SLC35F4: variants seen among roughly 807,000 people sequenced by gnomAD.
SLC35F4 encodes the protein chromosome 14 open reading frame 36.
SLC35F4 carries 24 observed loss-of-function variants against 44.2 expected under a neutral mutation model. That is an observed-to-expected ratio of 0.54 (90% CI 0.39 to 0.76). The LOEUF (loss-of-function observed/expected upper bound fraction) is 0.76. SLC35F4 is among the 30% of genes least tolerant of loss of function. The pLI, the probability that SLC35F4 is intolerant of heterozygous loss-of-function variation, is 0.00. For missense variants in SLC35F4, 562 were observed against 586.1 expected (o/e 0.96, Z 0.42); for synonymous variants, 238 against 223.6 (o/e 1.06, Z -0.57).
At chr14:57,621,289 A>C (rs1008217551) in intron 1 of SLC35F4, among the ~76,000 whole-genome samples, 25 of 149,660 alleles carry the variant, frequency 1.7e-4, no homozygotes, top group African/African-American at 5.6e-4. Context: ...GCTACCAATG[A>C]CTTTCTTCAC....
intron 1 of SLC35F4, among the ~76,000 whole-genome samples, chr14:57,961,529 C>A (rs1890339772): frequency 6.6e-6 from 1 of 152,196 alleles, no homozygotes; most frequent in African/African-American, 2.4e-5. Context: ...CCTTGGCTAT[C>A]ACTTTAAACA....
intron 1 of SLC35F4, among the ~76,000 whole-genome samples, chr14:57,646,118 C>T (rs2073497254): frequency 6.6e-6 from 1 of 152,158 alleles, no homozygotes; most frequent in African/African-American, 2.4e-5. Context: ...GTTTTGGTAT[C>T]AGGATGATGC....
intron 1 of SLC35F4, among the ~76,000 whole-genome samples, chr14:57,633,565 G>C (rs12891191): frequency 0.45 from 67,915 of 151,860 alleles, 15,937 homozygotes; most frequent in Non-Finnish European, 0.52. Flanking sequence ...CTTGTACAGA[G>C]ACTTCCCATG....
chr14:57,897,224 T>G (rs1888892455), intron 1 of SLC35F4, among the ~76,000 whole-genome samples: 1 of 152,078 alleles, frequency 6.6e-6, no homozygotes. Context: ...CACCATTTCT[T>G]GCAATAGTGT....
At chr14:57,680,491 C>T (rs1934327955) in intron 1 of SLC35F4, among the ~76,000 whole-genome samples, 1 of 152,064 alleles carries the variant, frequency 6.6e-6, no homozygotes, top group Non-Finnish European at 1.5e-5. Context: ...TCTCACCACT[C>T]CTATTCAACA....
At chr14:57,866,995 A>ATAT (rs1888184531), upstream of SLC35F4, among the ~76,000 whole-genome samples, 1 of 144,600 alleles carries the variant, frequency 6.9e-6, no homozygotes, top group Non-Finnish European at 1.5e-5. Context: ...AATAATAATA[A>ATAT]TAATAATTTT....
At chr14:57,579,902 C>A (rs1006222325) in intron 4 of SLC35F4, among the ~76,000 whole-genome samples, 1 of 152,098 alleles carries the variant, frequency 6.6e-6, no homozygotes, top group African/African-American at 2.4e-5. Flanking sequence ...TGTAGCAGAT[C>A]TTGAAAAGAA....
intron 1 of SLC35F4, among the ~76,000 whole-genome samples, chr14:57,779,202 G>A (rs151278268): frequency 6.6e-6 from 1 of 151,960 alleles, no homozygotes; most frequent in African/African-American, 2.4e-5. Flanking sequence ...CCAGGAGTTG[G>A]TTTTTTGAAA....
At chr14:57,605,113 C>T (rs2071073246) in intron 1 of SLC35F4, among the ~76,000 whole-genome samples, 2 of 151,764 alleles carry the variant, frequency 1.3e-5, no homozygotes, top group Non-Finnish European at 1.5e-5. Context: ...ACAAACAAGA[C>T]CTAATTAAAC....
At chr14:57,759,406 C>A (rs1016021088) in intron 1 of SLC35F4, among the ~76,000 whole-genome samples, 1 of 151,902 alleles carries the variant, frequency 6.6e-6, no homozygotes, top group Middle Eastern at 3.4e-3. Context: ...ATGGTGAAAC[C>A]CCATCCCTAC....
intron 1 of SLC35F4, among the ~76,000 whole-genome samples, chr14:57,615,378 A>G (rs1465683162): frequency 6.6e-6 from 1 of 150,974 alleles, no homozygotes; most frequent in Non-Finnish European, 1.5e-5. Flanking sequence ...TTAACTGCTC[A>G]CTTCATTTCT....
At chr14:57,919,295 A>G (rs372129897) in intron 1 of SLC35F4, among the ~76,000 whole-genome samples, 3 of 152,360 alleles carry the variant, frequency 2.0e-5, no homozygotes, top group Middle Eastern at 6.8e-3. Context: ...ATACAGGATT[A>G]CACTCATGGC....
At chr14:57,643,757 T>C (rs1048322376) in intron 1 of SLC35F4, among the ~76,000 whole-genome samples, 2 of 152,142 alleles carry the variant, frequency 1.3e-5, no homozygotes, top group Non-Finnish European at 2.9e-5. Flanking sequence ...CCTAATACTA[T>C]CCCTCCCCCC....
At chr14:57,633,637 A>G (rs557158198) in intron 1 of SLC35F4, among the ~76,000 whole-genome samples, 2 of 152,240 alleles carry the variant, frequency 1.3e-5, no homozygotes, top group Non-Finnish European at 2.9e-5. Context: ...ATAGTAAGAT[A>G]TAGAACAGTT....
intron 1 of SLC35F4, among the ~76,000 whole-genome samples, chr14:57,823,488 G>C (rs1883398888): frequency 6.6e-6 from 1 of 152,194 alleles, no homozygotes; most frequent in Non-Finnish European, 1.5e-5. Context: ...CCAGGGGAGT[G>C]GCATAAATTT....
At chr14:57,643,157 AT>A (rs1348440713) in intron 1 of SLC35F4, among the ~76,000 whole-genome samples, 3 of 152,058 alleles carry the variant, frequency 2.0e-5, no homozygotes, top group East Asian at 1.9e-4. Context: ...GAAAAAAAAA[AT>A]AAAACACTTA....
intron 1 of SLC35F4, among the ~76,000 whole-genome samples, chr14:57,634,512 A>G (rs1006326664): frequency 2.0e-5 from 3 of 152,096 alleles, no homozygotes; most frequent in Non-Finnish European, 4.4e-5. Flanking sequence ...AAGTGGGTGG[A>G]GTATGGCAGG....
chr14:57,719,503 T>G (rs977727587), intron 1 of SLC35F4, among the ~76,000 whole-genome samples: 4 of 152,228 alleles, frequency 2.6e-5, no homozygotes, highest in African/African-American at 9.6e-5. Context: ...CTTTGACCAG[T>G]GTTTTATAGT....
chr14:57,808,580 T>C (rs1310245333), intron 1 of SLC35F4, among the ~76,000 whole-genome samples: 1 of 151,910 alleles, frequency 6.6e-6, no homozygotes, highest in Non-Finnish European at 1.5e-5. Context: ...TATAAAAATA[T>C]ACTCCTGAAA....
Sources: gnomAD v4.1 joint callset for allele counts (sites outside exome capture counted in the v4.1 genomes callset) on GRCh38, gnomAD v4.1.1 for gene constraint, MANE v1.5 for transcripts, NCBI Gene and HGNC (gene_info 2026-07-23, HGNC 2026-07-21) for gene names.